The following SEMA5B variants were observed in gnomAD, a reference collection of about 807,000 sequenced individuals.
The protein encoded by SEMA5B is semaphorin-5B.
SEMA5B carries 66 observed loss-of-function variants against 135.0 expected under a neutral mutation model. The observed-to-expected ratio is 0.49, with a 90% CI of 0.40 to 0.60. SEMA5B has a LOEUF of 0.60. Ranked by LOEUF, SEMA5B falls within the 20% of genes least tolerant of loss-of-function variation. SEMA5B has a pLI of 0.00. For missense variants in SEMA5B, 1,501 were observed against 1,566.3 expected, an observed-to-expected ratio of 0.96 and a Z score of 0.70; for synonymous variants, 690 against 639.5, an observed-to-expected ratio of 1.08 and a Z score of -1.19.
At chr3:122,973,416 G>A (rs7636987) in intron 1 of SEMA5B, among the ~76,000 whole-genome samples, 5,191 of 152,212 alleles carry the variant, frequency 0.034, 267 homozygotes, top group African/African-American at 0.11. Flanking sequence ...AAGATGAGTG[G>A]GGTCCAGCCT....
chr3:123,012,165 G>A (rs1942450922), intron 1 of SEMA5B, among the ~76,000 whole-genome samples: 1 of 152,148 alleles, frequency 6.6e-6, no homozygotes, highest in South Asian at 2.1e-4. Flanking sequence ...TGTAAACCGG[G>A]GCTCATCGCT....
chr3:122,912,512 C>A (rs1937789981), intron 18 of SEMA5B, among the ~76,000 whole-genome samples, 170 bp from the exon 19 acceptor site: 1 of 151,780 alleles, frequency 6.6e-6, no homozygotes. Context: ...CCACTCCATG[C>A]GGCAGGTGAG....
Position 122,948,687 on chromosome 3 carries a change from G to A in SEMA5B, c.147C>T (p.Pro49=), listed in dbSNP as rs373100958. The change falls in exon 3 of 23, where the codon CCC becomes CCT. Residue 49 remains proline, a synonymous_variant. Transcript: ENST00000357599. ...TAGGCCCCTCTGCAGTCCTAGCTCC[G>A]GGAGGCAGACAGGGGAGAAGACCTG... ...LVRGLLPCLP[P]GARTAEGPIM... is the part of the protein sequence containing the mutation. 135 of 1,605,678 alleles carry A rather than the reference G, an allele frequency of 8.4e-5. No individual in the cohort carries two copies. Among genetic ancestry groups the A allele is most frequent in the Non-Finnish European group, 9.8e-5 (115 of 1,174,166 alleles).
At chr3:123,022,253 G>A (rs1330579504) in intron 1 of SEMA5B, among the ~76,000 whole-genome samples, 3 of 152,182 alleles carry the variant, frequency 2.0e-5, no homozygotes, top group African/African-American at 7.2e-5. Context: ...GGACTGGCAG[G>A]ACAGATGGTC....
In SEMA5B at chr3:122,974,722, G is replaced by C. The variant is rs914053024; in HGVS notation, c.-38-13421C>G. Among the ~76,000 whole-genome samples the C allele has an allele frequency of 2.6e-5, 4 of 152,130 alleles. No homozygotes were observed. The East Asian group carries it at 5.8e-4, about 22-fold the overall frequency. On this transcript the variant is annotated intron_variant, in intron 1 of 22. Coordinates refer to ENST00000357599, the MANE Select transcript of SEMA5B (RefSeq NM_001031702.4). ...GAGCTCTTTCTGATCTGGTATAAAC[G>C]AAGCCCTTCTTGGAGACAGAAAGAT...
intron 4 of SEMA5B, among the ~76,000 whole-genome samples, chr3:122,940,429 A>T (rs1433010354): frequency 6.6e-6 from 1 of 152,208 alleles, no homozygotes; most frequent in Non-Finnish European, 1.5e-5. Flanking sequence ...TGTGATGCAC[A>T]TTTAAAGGCT....
chr3:122,994,214 G>A (rs1941965472), intron 1 of SEMA5B, among the ~76,000 whole-genome samples: 1 of 151,940 alleles, frequency 6.6e-6, no homozygotes, highest in South Asian at 2.1e-4. Context: ...CAATTCATTT[G>A]GAGGGAAACC....
intron 5 of SEMA5B, among the ~76,000 whole-genome samples, chr3:122,931,349 C>G (rs1167906012): frequency 1.3e-5 from 2 of 152,138 alleles, no homozygotes; most frequent in African/African-American, 4.8e-5. Flanking sequence ...TTCCCATCTC[C>G]CCATCCTCCC....
At chr3:123,005,159 C>A (rs1433085354) in intron 1 of SEMA5B, among the ~76,000 whole-genome samples, 2 of 152,064 alleles carry the variant, frequency 1.3e-5, no homozygotes, top group Non-Finnish European at 2.9e-5. Flanking sequence ...GACCCCACTG[C>A]TCCCCTACAC....
chr3:122,948,489 T>A lies in SEMA5B; in HGVS notation c.328+17A>T. ...ACGGCCATTGCAAGACAGGGCCAAG[T>A]AGGAAGCAACTCTTACCTTCAAAGG... On this transcript the variant is annotated intron_variant, in intron 3 of 22. Coordinates refer to ENST00000357599, the MANE Select transcript of SEMA5B (RefSeq NM_001031702.4). 6.3e-7 allele frequency: 1 copy of A among 1,586,838 alleles called. No individual in the cohort carries two copies. The highest frequency in any genetic ancestry group is 8.6e-7 in the Non-Finnish European group (1 of 1,161,390).
intron 20 of SEMA5B, 113 bp from the exon 21 acceptor site, chr3:122,911,648 A>G: frequency 1.7e-6 from 2 of 1,149,934 alleles, no homozygotes; most frequent in Non-Finnish European, 2.4e-6. Context: ...ACGTAGGACT[A>G]GGTAGGCGTG....
At chr3:122,923,324 G>C (rs745665616) in intron 10 of SEMA5B, among the ~76,000 whole-genome samples, 4 of 152,188 alleles carry the variant, frequency 2.6e-5, no homozygotes, top group African/African-American at 7.2e-5. Context: ...TGCTTTCCTG[G>C]TCCTCTACAC....
rs1434935551 is a variant in SEMA5B at position 122,909,262 on chromosome 3, T to C, written c.*881A>G. On this transcript the variant is annotated 3_prime_UTR_variant, in exon 23 of 23. Coordinates refer to ENST00000357599, the MANE Select transcript of SEMA5B (RefSeq NM_001031702.4). ...TCTTTTTTGTTGCTGTAGCAAATTG[T>C]GATTGTGTGTGCGTGTGTGAGTGTG... is the stretch of plus-strand genomic sequence containing the variant. 6.8e-6 allele frequency: 1 copy of C among 147,948 alleles called. No homozygotes were observed. Among genetic ancestry groups the C allele is most frequent in the Non-Finnish European group, 1.5e-5 (1 of 67,890 alleles). 9.2% of individuals were successfully genotyped at this position (147,948 alleles called of 1,614,324 possible). A position where few individuals can be genotyped will look rare whatever the true frequency, so the allele number is the denominator to read the frequency against.
chr3:122,984,350 C>G (rs879275773), intron 1 of SEMA5B, among the ~76,000 whole-genome samples: 1 of 152,250 alleles, frequency 6.6e-6, no homozygotes, highest in African/African-American at 2.4e-5. Flanking sequence ...CTAACCCTAT[C>G]ACTCCCATTC....
intron 1 of SEMA5B, among the ~76,000 whole-genome samples, chr3:123,015,857 C>G (rs766062806): frequency 1.1e-3 from 165 of 152,186 alleles, no homozygotes; most frequent in Non-Finnish European, 1.7e-3. Context: ...ACATTCCCAG[C>G]CTGGCTTGAC....
At chr3:123,008,389 G>A (rs964897141) in intron 1 of SEMA5B, among the ~76,000 whole-genome samples, 2 of 152,158 alleles carry the variant, frequency 1.3e-5, no homozygotes, top group African/African-American at 4.8e-5. Context: ...AAGAGTATTC[G>A]GCACCTGTAG....
chr3:122,913,158 G>A, intron 17 of SEMA5B, 41 bp downstream of exon 17: 1 of 1,498,724 alleles, frequency 6.7e-7, no homozygotes, highest in Non-Finnish European at 8.8e-7. Flanking sequence ...ACCGCTCCGG[G>A]GCTGGGAGAG....
At chr3:122,999,864 T>C (rs943741455) in intron 1 of SEMA5B, among the ~76,000 whole-genome samples, 1 of 151,986 alleles carries the variant, frequency 6.6e-6, no homozygotes, top group African/African-American at 2.4e-5. Context: ...ACAACAGCTA[T>C]GGGGACAGAG....
At chr3:122,975,014 T>G (rs1281305679) in intron 1 of SEMA5B, 1 of 152,196 alleles carries the variant, frequency 6.6e-6, no homozygotes, top group Non-Finnish European at 1.5e-5. Flanking sequence ...GCAAGAATTC[T>G]GGGGAGGGAG....
Sources: allele counts gnomAD v4.1 joint callset (sites outside exome capture counted in the v4.1 genomes callset), GRCh38; gene constraint gnomAD v4.1.1; transcripts MANE v1.5; gene names NCBI Gene and HGNC (gene_info 2026-07-23, HGNC 2026-07-21).